NRXN1: variants seen among roughly 807,000 people sequenced by gnomAD.
The protein encoded by NRXN1 is neurexin 1.
A neutral mutation model predicts 150.9 loss-of-function variants in NRXN1; 39 were observed. The observed-to-expected ratio is 0.26, with a 90% CI of 0.20 to 0.34. The LOEUF is 0.34. Among genes scored for constraint, NRXN1 ranks in the 10% least tolerant of loss-of-function variants. NRXN1 has a pLI of 1.00. For missense variants in NRXN1, 1,815 were observed against 1,949.9 expected, an observed-to-expected ratio of 0.93 and a Z score of 1.30; for synonymous variants, 924 against 757.0, an observed-to-expected ratio of 1.22 and a Z score of -3.62.
chr2:50,946,838 T>C (rs1225109931), intron 2 of NRXN1, among the ~76,000 whole-genome samples: 2 of 152,210 alleles, frequency 1.3e-5, no homozygotes, highest in Admixed American at 1.3e-4. Context: ...AATAACTTTG[T>C]GCTGAAGGCA....
intron 5 of NRXN1, among the ~76,000 whole-genome samples, chr2:50,871,697 G>A (rs1677806439): frequency 6.6e-6 from 1 of 151,704 alleles, no homozygotes; most frequent in African/African-American, 2.4e-5. Flanking sequence ...AACATGCCGA[G>A]GGGTCACTAA....
chr2:50,373,902 T>G (rs1262954808), intron 17 of NRXN1, among the ~76,000 whole-genome samples: 1 of 152,042 alleles, frequency 6.6e-6, no homozygotes, highest in Non-Finnish European at 1.5e-5. Context: ...ATCATTAAAA[T>G]ATTTGCAGGT....
chr2:50,170,826 T>C (rs2059987841), intron 18 of NRXN1, among the ~76,000 whole-genome samples: 1 of 150,010 alleles, frequency 6.7e-6, no homozygotes, highest in African/African-American at 2.5e-5. Flanking sequence ...TTGAACAATG[T>C]GGGGGTTGGG....
chr2:50,692,032 T>G (rs908517770), intron 5 of NRXN1, among the ~76,000 whole-genome samples: 1 of 152,180 alleles, frequency 6.6e-6, no homozygotes, highest in African/African-American at 2.4e-5. Flanking sequence ...TACGTCTGTG[T>G]GTGAAAACAA....
chr2:50,523,410 A>C (rs191787301), intron 12 of NRXN1, among the ~76,000 whole-genome samples: 1 of 151,888 alleles, frequency 6.6e-6, no homozygotes, highest in Non-Finnish European at 1.5e-5. Context: ...TCCCTTTTAC[A>C]GTTTTCTGCT....
At chr2:50,499,136 G>A (rs1201123195) in intron 13 of NRXN1, among the ~76,000 whole-genome samples, 9 of 152,090 alleles carry the variant, frequency 5.9e-5, no homozygotes, top group Non-Finnish European at 8.8e-5. Flanking sequence ...TAGACGTCAT[G>A]CTTTTTGTTG....
rs777054372 is a variant in NRXN1, at chr2:50,346,867, C to T, written c.3365-109897G>A. On this transcript the variant is annotated intron_variant, in intron 17 of 22. Coordinates refer to ENST00000401669, the MANE Select transcript of NRXN1 (RefSeq NM_001330078.2). This position sits in a 1 kb window ranked among gnomAD's most constrained non-coding sequence, Gnocchi z 5.0. ...TATCCAAAGCAGGGCCAGGCGCCCC[C>T]CTGCGCCGCCGCCGCCGCCGCCGCC... 2.9e-6 allele frequency: 4 copies of T among 1,391,486 alleles called. No individual in the cohort carries two copies. The highest frequency in any genetic ancestry group is 3.8e-5 in the South Asian group (2 of 52,304). 86.2% of individuals were successfully genotyped at this position (1,391,486 alleles called of 1,614,324 possible). A position where few individuals can be genotyped will look rare whatever the true frequency, so the allele number is the denominator to read the frequency against.
At chr2:50,642,529 G>A (rs1455537456) in intron 5 of NRXN1, among the ~76,000 whole-genome samples, 1 of 151,920 alleles carries the variant, frequency 6.6e-6, no homozygotes, top group Non-Finnish European at 1.5e-5. Flanking sequence ...AAGTTAATAA[G>A]TTTGTTTCAG....
intron 10 of NRXN1, among the ~76,000 whole-genome samples, chr2:50,535,598 C>A (rs2093236356): frequency 1.3e-5 from 2 of 152,202 alleles, no homozygotes; most frequent in Admixed American, 6.6e-5. Flanking sequence ...CAAGTCTCCA[C>A]AAATTCTCAG....
chr2:50,779,047 T>C (rs1440856330), intron 5 of NRXN1, among the ~76,000 whole-genome samples: 1 of 152,188 alleles, frequency 6.6e-6, no homozygotes, highest in Non-Finnish European at 1.5e-5. Context: ...AATTATACTT[T>C]AAGTTCTGGG....
intron 17 of NRXN1, among the ~76,000 whole-genome samples, chr2:50,388,672 C>T (rs2081483392): frequency 6.6e-6 from 1 of 152,072 alleles, no homozygotes; most frequent in African/African-American, 2.4e-5. Context: ...AGATTCCATT[C>T]AATTATATTG....
chr2:50,239,681 T>C (rs1326854933), intron 17 of NRXN1, among the ~76,000 whole-genome samples: 1 of 84,692 alleles, frequency 1.2e-5, no homozygotes, highest in South Asian at 3.2e-4. Flanking sequence ...TATATATATA[T>C]ATATATATAT....
intron 18 of NRXN1, among the ~76,000 whole-genome samples, chr2:50,231,577 T>A (rs1450151249): frequency 1.3e-5 from 2 of 152,062 alleles, no homozygotes; most frequent in Non-Finnish European, 2.9e-5. Flanking sequence ...AAGGCAAAAA[T>A]GTGCAACAAT....
At chr2:50,185,147 T>A (rs1239468007) in intron 18 of NRXN1, among the ~76,000 whole-genome samples, 4 of 152,128 alleles carry the variant, frequency 2.6e-5, no homozygotes, top group Admixed American at 2.6e-4. Flanking sequence ...AATCCATCCA[T>A]GGAGATGCTT....
At chr2:50,613,562 G>T (rs1334288174) in intron 8 of NRXN1, among the ~76,000 whole-genome samples, 1 of 152,188 alleles carries the variant, frequency 6.6e-6, no homozygotes, top group Non-Finnish European at 1.5e-5. Flanking sequence ...CCTGGCCAAT[G>T]CATGAGTACT....
intron 5 of NRXN1, among the ~76,000 whole-genome samples, chr2:50,725,679 TAAATA>T (rs1304835127): frequency 6.6e-6 from 1 of 152,052 alleles, no homozygotes; most frequent in African/African-American, 2.4e-5. Flanking sequence ...GTTATTCTAT[TAAATA>T]AAATAAGCAA....
At chr2:50,221,517 T>C (rs970540217) in intron 18 of NRXN1, among the ~76,000 whole-genome samples, 4 of 151,994 alleles carry the variant, frequency 2.6e-5, no homozygotes, top group African/African-American at 9.7e-5. Context: ...AAAAGTGCAA[T>C]GAAAAAACTA....
At chr2:51,030,535 AACACACACACACACAC>A (rs57434663) in intron 1 of NRXN1, among the ~76,000 whole-genome samples, 24 of 145,250 alleles carry the variant, frequency 1.7e-4, no homozygotes, top group Admixed American at 2.7e-4. Context: ...TCTCTCTTTC[AACACACACACACACAC>A]ACACACACAC....
At chr2:50,425,690 C>T (rs2084420755) in intron 17 of NRXN1, among the ~76,000 whole-genome samples, 1 of 152,086 alleles carries the variant, frequency 6.6e-6, no homozygotes, top group Admixed American at 6.6e-5. Flanking sequence ...CTCTGGTTGG[C>T]TCCATGTTAT....
Sources: gnomAD v4.1 joint callset for allele counts (sites outside exome capture counted in the v4.1 genomes callset) on GRCh38, gnomAD v4.1.1 for gene constraint, Gnocchi (gnomAD v3.1) non-coding constraint, MANE v1.5 for transcripts, NCBI Gene and HGNC (gene_info 2026-07-23, HGNC 2026-07-21) for gene names.